INPP4B: variants seen among roughly 807,000 people sequenced by gnomAD.
INPP4B encodes inositol polyphosphate-4-phosphatase type II B.
Under a neutral mutation model 122.5 loss-of-function variants are expected in INPP4B, and 55 were observed. That is an observed-to-expected ratio of 0.45 (90% CI 0.36 to 0.56). The LOEUF (loss-of-function observed/expected upper bound fraction) is 0.56. Ranked by LOEUF, INPP4B falls within the 20% of genes least tolerant of loss-of-function variation. INPP4B has a pLI of 0.00. For synonymous variants in INPP4B, 403 were observed against 388.7 expected (o/e 1.04, Z -0.43); for missense variants, 1,000 against 1,097.7 (o/e 0.91, Z 1.26).
At chr4:142,398,747 G>A (rs1230044014) in intron 7 of INPP4B, among the ~76,000 whole-genome samples, 1 of 151,918 alleles carries the variant, frequency 6.6e-6, no homozygotes, top group African/African-American at 2.4e-5. Context: ...ACACACATTA[G>A]GTAACATGCA....
chr4:142,747,354 T>A (rs920062410), intron 1 of INPP4B, among the ~76,000 whole-genome samples: 6 of 152,000 alleles, frequency 3.9e-5, no homozygotes, highest in African/African-American at 1.5e-4. Context: ...TGGCGATCAT[T>A]AAAAAGTCAG....
chr4:142,032,759 TAAC>T (rs1471968510), intron 25 of INPP4B, among the ~76,000 whole-genome samples: 1 of 152,174 alleles, frequency 6.6e-6, no homozygotes, highest in Non-Finnish European at 1.5e-5. Context: ...GTGGTGATAA[TAAC>T]AACATGTATA....
chr4:142,717,018 C>A (rs1763861998), intron 2 of INPP4B, among the ~76,000 whole-genome samples: 1 of 152,166 alleles, frequency 6.6e-6, no homozygotes, highest in Non-Finnish European at 1.5e-5. Flanking sequence ...CTTATTATTT[C>A]TATTTTCTAG....
At chr4:142,728,629 G>C (rs114414031) in intron 1 of INPP4B, among the ~76,000 whole-genome samples, 2,443 of 152,194 alleles carry the variant, frequency 0.016, 60 homozygotes, top group African/African-American at 0.054. Flanking sequence ...GACACACACA[G>C]ACAGAGTGCC....
intron 1 of INPP4B, among the ~76,000 whole-genome samples, chr4:142,749,058 T>G (rs1241400995): frequency 6.6e-6 from 1 of 151,494 alleles, no homozygotes; most frequent in African/African-American, 2.4e-5. Flanking sequence ...AAGAAGTACT[T>G]GAACCTGGGA....
At position 142,845,915 on chromosome 4, in the gene INPP4B, C is replaced by T. The variant is rs1291115467; in HGVS notation, c.-254+294G>A. ...GAGTGTGCGTGTGTGAGTGAGAATGCGAAAACGCGCGCGCGCCGGGCAGAG... is the reference window on the plus strand; with the variant it reads ...GAGTGTGCGTGTGTGAGTGAGAATGTGAAAACGCGCGCGCGCCGGGCAGAG... On this transcript the variant is annotated intron_variant, in intron 1 of 25. Transcript: ENST00000262992. 2.0e-5 allele frequency among the ~76,000 whole-genome samples: 3 copies of T among 151,988 alleles called. No individual in the cohort carries two copies. The East Asian group carries it at 5.9e-4, about 30-fold the overall frequency.
At chr4:142,202,476 T>G (rs938205636) in intron 14 of INPP4B, among the ~76,000 whole-genome samples, 3 of 152,084 alleles carry the variant, frequency 2.0e-5, no homozygotes, top group Non-Finnish European at 4.4e-5. Flanking sequence ...ACATCGTTAT[T>G]AAATACATCT....
chr4:142,744,935 A>G (rs1385265609), intron 1 of INPP4B, among the ~76,000 whole-genome samples: 1 of 151,664 alleles, frequency 6.6e-6, no homozygotes, highest in African/African-American at 2.4e-5. Context: ...AGTTTTTAGT[A>G]TATAAAAAAA....
chr4:142,044,660 C>CTGTTTTAAGATAT (rs1424042183), intron 25 of INPP4B, among the ~76,000 whole-genome samples: 1 of 151,818 alleles, frequency 6.6e-6, no homozygotes, highest in East Asian at 1.9e-4. Flanking sequence ...ATTGATGGAA[C>CTGTTTTAAGATAT]CGTTTTAAGA....
chr4:142,255,186 A>C (rs982529013), intron 11 of INPP4B, among the ~76,000 whole-genome samples: 14 of 151,980 alleles, frequency 9.2e-5, no homozygotes, highest in African/African-American at 3.4e-4. Flanking sequence ...GCCTGCCCTA[A>C]AAGAGCTCCT....
chr4:142,386,010 C>T (rs535440740), intron 7 of INPP4B, among the ~76,000 whole-genome samples: 52 of 152,218 alleles, frequency 3.4e-4, no homozygotes, highest in Non-Finnish European at 5.6e-4. Context: ...TAAAGCTTAT[C>T]TCTTTGATCA....
chr4:142,416,517 C>T (rs1805808906), intron 5 of INPP4B, among the ~76,000 whole-genome samples: 1 of 151,824 alleles, frequency 6.6e-6, no homozygotes, highest in African/African-American at 2.4e-5. Context: ...TGGCTATGTG[C>T]TATTGCTCAA....
rs188517496 is a variant in INPP4B at position 142,025,820 on chromosome 4, C to T, written c.*2962G>A. On this transcript the variant is annotated 3_prime_UTR_variant, in exon 26 of 26. Transcript: ENST00000262992. ...CAGTTTGTCATTTAGTACAATTTATCACTTGGAACAAATGGTTGCTCGACT... is the reference window on the plus strand; with the variant it reads ...CAGTTTGTCATTTAGTACAATTTATTACTTGGAACAAATGGTTGCTCGACT... The T allele has an allele frequency of 4.1e-4, 63 of 152,238 alleles. No individual in the cohort carries two copies. Among genetic ancestry groups the T allele is most frequent in the African/African-American group, 1.5e-3 (61 of 41,540 alleles). 9.4% of individuals were successfully genotyped at this position (152,238 alleles called of 1,614,324 possible).
At chr4:142,641,616 T>C (rs1750491713) in intron 2 of INPP4B, among the ~76,000 whole-genome samples, 1 of 152,194 alleles carries the variant, frequency 6.6e-6, no homozygotes, top group Non-Finnish European at 1.5e-5. Flanking sequence ...TTTTTATGGC[T>C]GCATAGTATA....
At chr4:142,696,254 C>T (rs1179086035) in intron 2 of INPP4B, among the ~76,000 whole-genome samples, 2 of 152,094 alleles carry the variant, frequency 1.3e-5, no homozygotes, top group African/African-American at 2.4e-5. Context: ...GAGAGTGTGC[C>T]TGGTCCTACT....
intron 12 of INPP4B, among the ~76,000 whole-genome samples, chr4:142,234,801 G>A (rs943330074): frequency 3.9e-5 from 6 of 152,094 alleles, no homozygotes; most frequent in African/African-American, 1.4e-4. Context: ...ACTTCATATT[G>A]GGAGGCAGTG....
At chr4:142,452,800 T>C (rs1397372433) in intron 3 of INPP4B, among the ~76,000 whole-genome samples, 1 of 152,224 alleles carries the variant, frequency 6.6e-6, no homozygotes, top group Non-Finnish European at 1.5e-5. Context: ...CTTTTTCTTC[T>C]ATAAATACTT....
intron 3 of INPP4B, among the ~76,000 whole-genome samples, chr4:142,432,503 C>T (rs1809541423): frequency 1.3e-5 from 2 of 152,054 alleles, no homozygotes; most frequent in Non-Finnish European, 2.9e-5. Flanking sequence ...GGGTAGAAGG[C>T]TATTGCACCA....
chr4:142,373,823 T>G (rs1303478230), intron 7 of INPP4B, among the ~76,000 whole-genome samples: 1 of 151,982 alleles, frequency 6.6e-6, no homozygotes, highest in Non-Finnish European at 1.5e-5. Context: ...AGAGCTTTCC[T>G]GTGGTTATTG....
Sources: gnomAD v4.1 joint callset for allele counts (sites outside exome capture counted in the v4.1 genomes callset) on GRCh38, gnomAD v4.1.1 for gene constraint, MANE v1.5 for transcripts, NCBI Gene and HGNC (gene_info 2026-07-23, HGNC 2026-07-21) for gene names.